The following WLS variants were observed in gnomAD, a reference collection of about 807,000 sequenced individuals.
WLS encodes Wnt ligand secretion mediator.
In WLS, 23 loss-of-function variants were observed where a neutral mutation model predicts 62.8. That is an observed-to-expected ratio of 0.37 (90% confidence interval 0.26 to 0.52). The LOEUF is 0.52. Ranked by LOEUF, WLS falls within the 20% of genes least tolerant of loss-of-function variation. The pLI, the probability that WLS is intolerant of heterozygous loss-of-function variation, is 0.92. For missense variants in WLS, 615 were observed against 697.3 expected (o/e 0.88, Z 1.33); for synonymous variants, 246 against 244.1 (o/e 1.01, Z -0.07).
At chr1:68,222,466 C>T (rs1463140842) in intron 1 of WLS, among the ~76,000 whole-genome samples, 1 of 152,044 alleles carries the variant, frequency 6.6e-6, no homozygotes, top group Non-Finnish European at 1.5e-5. Flanking sequence ...TTTCAAGTGA[C>T]AGAAAAATCA....
chr1:68,213,556 T>C (rs959622414), intron 1 of WLS, among the ~76,000 whole-genome samples: 8 of 152,040 alleles, frequency 5.3e-5, no homozygotes, highest in Non-Finnish European at 7.4e-5. Context: ...ACTCTGCTCA[T>C]GGCTTTCTGT....
downstream of WLS, among the ~76,000 whole-genome samples, chr1:68,124,422 T>C (rs959985870): frequency 2.0e-5 from 3 of 152,246 alleles, no homozygotes; most frequent in African/African-American, 7.2e-5. Context: ...ACATTGTCCA[T>C]GCTTTGCATC....
chr1:68,216,896 A>G (rs1160839390), intron 1 of WLS, among the ~76,000 whole-genome samples: 1 of 152,216 alleles, frequency 6.6e-6, no homozygotes, highest in Non-Finnish European at 1.5e-5. Context: ...ATCTTCCCAA[A>G]GGAAATCACT....
chr1:68,101,794 T>G (rs1371941134), intron 11 of WLS, among the ~76,000 whole-genome samples: 1 of 152,210 alleles, frequency 6.6e-6, no homozygotes, highest in Non-Finnish European at 1.5e-5. Context: ...AAATACACGC[T>G]TATAAACACA....
exon 12 of WLS, chr1:68,098,580 G>A: frequency 1.2e-6 from 2 of 1,605,654 alleles, no homozygotes; most frequent in Non-Finnish European, 1.7e-6. Context: ...CAATCAATGT[G>A]ACTGTGACAA....
chr1:68,126,403 T>C (rs1196699478), intron 11 of WLS, 68 bp from the exon 12 acceptor site: 3 of 1,592,518 alleles, frequency 1.9e-6, no homozygotes, highest in Admixed American at 3.5e-5. Context: ...GTTCATCTCA[T>C]GGACAACTGC....
At chr1:68,211,352 G>A (rs552310022) in intron 1 of WLS, among the ~76,000 whole-genome samples, 2 of 106,454 alleles carry the variant, frequency 1.9e-5, no homozygotes, top group Admixed American at 1.3e-4. Flanking sequence ...AAAAATGACA[G>A]GTTTTTCTTA....
chr1:68,143,366 C>T (rs575146248), intron 10 of WLS, among the ~76,000 whole-genome samples: 1 of 152,336 alleles, frequency 6.6e-6, no homozygotes, highest in Admixed American at 6.5e-5. Context: ...GCAAGAAAGA[C>T]ATTCAAGCTT....
chr1:68,163,800 C>T (rs1028190192), intron 2 of WLS, among the ~76,000 whole-genome samples: 5 of 152,126 alleles, frequency 3.3e-5, no homozygotes, highest in Admixed American at 6.5e-5. Flanking sequence ...TCCAGGGCTG[C>T]GACAAGGATT....
At chr1:68,172,880 A>G (rs1380185879) in intron 2 of WLS, among the ~76,000 whole-genome samples, 1 of 152,188 alleles carries the variant, frequency 6.6e-6, no homozygotes. Context: ...GGAAGGCTAG[A>G]GAACAGGAAG....
At chr1:68,146,645 G>A (rs1449209446) in intron 8 of WLS, among the ~76,000 whole-genome samples, 3 of 152,174 alleles carry the variant, frequency 2.0e-5, no homozygotes, top group Admixed American at 6.5e-5. Context: ...AGTGAAACCA[G>A]GGATGAAGGA....
At chr1:68,179,870 A>G (rs1458621078) in intron 2 of WLS, among the ~76,000 whole-genome samples, 1 of 152,214 alleles carries the variant, frequency 6.6e-6, no homozygotes, top group Non-Finnish European at 1.5e-5. Context: ...TAATAAAGGT[A>G]GATCTCGAAT....
At chr1:68,213,812 TAC>T (rs1463879981) in intron 1 of WLS, among the ~76,000 whole-genome samples, 7 of 152,218 alleles carry the variant, frequency 4.6e-5, no homozygotes, top group Non-Finnish European at 4.4e-5. Flanking sequence ...TCCATGTGTT[TAC>T]TCCTTCTGTA....
At chr1:68,198,321 C>A (rs1192220032) in intron 1 of WLS, among the ~76,000 whole-genome samples, 2 of 152,134 alleles carry the variant, frequency 1.3e-5, no homozygotes, top group Non-Finnish European at 2.9e-5. Context: ...AAATGCAGTC[C>A]ATTATGAATT....
chr1:68,163,474 C>T (rs1242432700), intron 2 of WLS, among the ~76,000 whole-genome samples: 2 of 151,992 alleles, frequency 1.3e-5, no homozygotes, highest in African/African-American at 2.4e-5. Context: ...CTTTTCGGTC[C>T]CTCGCTCCTC....
At chr1:68,161,895 A>G in intron 2 of WLS, 13 of 1,609,772 alleles carry the variant, frequency 8.1e-6, no homozygotes, top group Admixed American at 1.7e-5. Context: ...CGGCTGCAGG[A>G]AGTCCTCCTG....
At chr1:68,148,033 G>T in intron 8 of WLS, 103 bp downstream of exon 8, 3 of 1,205,882 alleles carry the variant, frequency 2.5e-6, no homozygotes, top group Non-Finnish European at 3.6e-6. Flanking sequence ...CAAAGCCCTG[G>T]CTGAGTACAT....
At chr1:68,120,694 C>CTGTG (rs746624063), downstream of WLS, among the ~76,000 whole-genome samples, 11,372 of 150,558 alleles carry the variant, frequency 0.076, 651 homozygotes, top group East Asian at 0.3. Context: ...CTGTTAAGTT[C>CTGTG]TGTGTGTGTG....
intron 2 of WLS, chr1:68,186,498 A>G (rs1271258524): frequency 2.5e-6 from 1 of 394,936 alleles, no homozygotes; most frequent in Non-Finnish European, 5.0e-6. Flanking sequence ...TGCCACGAAA[A>G]GTTAAAAAAA....
Sources: allele counts gnomAD v4.1 joint callset (sites outside exome capture counted in the v4.1 genomes callset), GRCh38; gene constraint gnomAD v4.1.1; transcripts MANE v1.5; gene names NCBI Gene and HGNC (gene_info 2026-07-23, HGNC 2026-07-21).